Variants in EFNA5 observed in about 807,000 individuals in gnomAD.
The protein encoded by EFNA5 is ephrin-A5.
Under a neutral mutation model 22.9 loss-of-function variants are expected in EFNA5, and 5 were observed. The ratio of observed to expected loss-of-function variants is 0.22; its 90% confidence interval spans 0.11 to 0.46. The LOEUF (loss-of-function observed/expected upper bound fraction) is 0.46, where lower values mean the gene tolerates loss of function less well. EFNA5 is among the 20% of genes least tolerant of loss of function. The pLI is 0.99. For synonymous variants in EFNA5, 113 were observed against 112.2 expected (o/e 1.01, Z -0.04); for missense variants, 237 against 293.3 (o/e 0.81, Z 1.40).
chr5:107,388,883 A>C (rs1279398516), intron 2 of EFNA5, among the ~76,000 whole-genome samples: 1 of 152,174 alleles, frequency 6.6e-6, no homozygotes, highest in East Asian at 1.9e-4. Context: ...TTTTTAAATT[A>C]TTCCTCATGG....
intron 1 of EFNA5, among the ~76,000 whole-genome samples, chr5:107,481,006 G>T (rs1270406681): frequency 2.0e-5 from 3 of 152,218 alleles, no homozygotes; most frequent in African/African-American, 2.4e-5. Context: ...GAGCTGGCAG[G>T]GGACATTCAG....
chr5:107,607,440 T>A (rs947131917), intron 1 of EFNA5, among the ~76,000 whole-genome samples: 1 of 152,210 alleles, frequency 6.6e-6, no homozygotes, highest in Non-Finnish European at 1.5e-5. Flanking sequence ...AAAACCTGTT[T>A]TAAGACAACA....
At chr5:107,551,445 A>G (rs777627651) in intron 1 of EFNA5, among the ~76,000 whole-genome samples, 8 of 152,166 alleles carry the variant, frequency 5.3e-5, no homozygotes, top group Non-Finnish European at 1.2e-4. Context: ...TTTTACACGT[A>G]ACTCATTCAA....
At chr5:107,623,101 C>T (rs915737654) in intron 1 of EFNA5, among the ~76,000 whole-genome samples, 3 of 137,478 alleles carry the variant, frequency 2.2e-5, no homozygotes, top group African/African-American at 8.4e-5. Context: ...TGACTAAATG[C>T]AAGGCAGTCC....
In EFNA5 at chr5:107,548,361, C is replaced by A. The variant is rs35131340; in HGVS notation, c.126-120852G>T. ...AGAACAGTATGGAAAAATTGGATAT[C>A]ACATATGCAATGCTACATTAATGGT... is the stretch of plus-strand genomic sequence containing the variant. On this transcript the variant is annotated intron_variant, in intron 1 of 4. Coordinates refer to ENST00000333274, the MANE Select transcript of EFNA5 (RefSeq NM_001962.3). Among the ~76,000 whole-genome samples the A allele has an allele frequency of 6.4e-3, 970 of 152,256 alleles. 10 individuals carry two copies. Among genetic ancestry groups the A allele is most frequent in the Admixed American group, 7.6e-3 (117 of 15,296 alleles).
In EFNA5 at chr5:107,666,465, C is replaced by A. The variant is rs151090670; in HGVS notation, c.125+4024G>T. Among the ~76,000 whole-genome samples the A allele has an allele frequency of 3.5e-3, 539 of 152,192 alleles. 1 individual carries two copies. Among genetic ancestry groups the A allele is most frequent in the Middle Eastern group, 6.8e-3 (2 of 294 alleles). On this transcript the variant is annotated intron_variant, in intron 1 of 4. Coordinates refer to ENST00000333274, the MANE Select transcript of EFNA5 (RefSeq NM_001962.3). ...AACAAAACTAAAAGGTGTCAATTAC[C>A]TGCTACTCTAATATGAAATGTTTAA...
chr5:107,559,707 T>C (rs1748497099), intron 1 of EFNA5, among the ~76,000 whole-genome samples: 1 of 152,202 alleles, frequency 6.6e-6, no homozygotes, highest in Admixed American at 6.5e-5. Flanking sequence ...ATCACATCTC[T>C]GGAAGAAGTC....
At chr5:107,479,590 A>G (rs527315244) in intron 1 of EFNA5, among the ~76,000 whole-genome samples, 1 of 152,212 alleles carries the variant, frequency 6.6e-6, no homozygotes, top group Non-Finnish European at 1.5e-5. Flanking sequence ...ACTGGTGTTC[A>G]TGAACAAGAA....
At chr5:107,413,692 T>C (rs763893504) in intron 2 of EFNA5, among the ~76,000 whole-genome samples, 3 of 152,178 alleles carry the variant, frequency 2.0e-5, no homozygotes, top group Non-Finnish European at 4.4e-5. Flanking sequence ...TATTTTATGA[T>C]AAAAAATTTT....
intron 1 of EFNA5, among the ~76,000 whole-genome samples, chr5:107,568,045 T>G (rs534149602): frequency 1.3e-5 from 2 of 152,086 alleles, no homozygotes; most frequent in Non-Finnish European, 2.9e-5. Flanking sequence ...TACAGGCACA[T>G]GCCACCATGC....
At chr5:107,418,032 T>C (rs949593401) in intron 2 of EFNA5, among the ~76,000 whole-genome samples, 1 of 152,170 alleles carries the variant, frequency 6.6e-6, no homozygotes. Flanking sequence ...GGATAATATT[T>C]TGGTCGTCTA....
chr5:107,515,860 G>T (rs1318568624), intron 1 of EFNA5, among the ~76,000 whole-genome samples: 1 of 152,148 alleles, frequency 6.6e-6, no homozygotes, highest in Non-Finnish European at 1.5e-5. Flanking sequence ...CCAAGCCCAA[G>T]AAACTAAAAA....
intron 1 of EFNA5, among the ~76,000 whole-genome samples, chr5:107,538,347 G>A (rs2112457921): frequency 6.6e-6 from 1 of 152,322 alleles, no homozygotes; most frequent in Admixed American, 6.5e-5. Flanking sequence ...AGTACTTACT[G>A]AGCCTCTATT....
chr5:107,459,739 G>C (rs1749786747), intron 1 of EFNA5, among the ~76,000 whole-genome samples: 1 of 152,162 alleles, frequency 6.6e-6, no homozygotes, highest in South Asian at 2.1e-4. Flanking sequence ...CACAGCAGAA[G>C]AAAATTCCTA....
intron 1 of EFNA5, among the ~76,000 whole-genome samples, chr5:107,525,855 C>T (rs1747687054): frequency 6.6e-6 from 1 of 152,128 alleles, no homozygotes; most frequent in South Asian, 2.1e-4. Flanking sequence ...AAATGAATTC[C>T]TGTGCTTCAA....
At chr5:107,440,580 A>G (rs1749229724) in intron 1 of EFNA5, among the ~76,000 whole-genome samples, 1 of 152,198 alleles carries the variant, frequency 6.6e-6, no homozygotes, top group South Asian at 2.1e-4. Flanking sequence ...TACCCATGAA[A>G]ACTCAGCACT....
intron 1 of EFNA5, among the ~76,000 whole-genome samples, chr5:107,491,091 T>C (rs1746793197): frequency 6.6e-6 from 1 of 152,202 alleles, no homozygotes; most frequent in African/African-American, 2.4e-5. Context: ...AGCACATGTG[T>C]TATCAGAATT....
intron 1 of EFNA5, among the ~76,000 whole-genome samples, chr5:107,543,229 T>A (rs934494596): frequency 3.9e-5 from 6 of 151,972 alleles, no homozygotes; most frequent in African/African-American, 1.2e-4. Context: ...AATTCATCCA[T>A]CAGTGAGAAA....
At chr5:107,430,774 CTTT>C (rs869266799) in intron 1 of EFNA5, among the ~76,000 whole-genome samples, 5 of 20,310 alleles carry the variant, frequency 2.5e-4, no homozygotes, top group Admixed American at 7.0e-4. Flanking sequence ...TTCTTTCTTT[CTTT>C]TTTTTTTTTT....
Sources: allele counts gnomAD v4.1 joint callset (sites outside exome capture counted in the v4.1 genomes callset), GRCh38; gene constraint gnomAD v4.1.1; transcripts MANE v1.5; gene names NCBI Gene and HGNC (gene_info 2026-07-23, HGNC 2026-07-21).